FAT3: variants seen among roughly 807,000 people sequenced by gnomAD.
FAT3 encodes the protein protocadherin Fat 3.
FAT3 carries 95 observed loss-of-function variants against 310.2 expected under a neutral mutation model. The ratio of observed to expected loss-of-function variants is 0.31; its 90% CI spans 0.26 to 0.36. FAT3 has a LOEUF of 0.36. Among genes scored for constraint, FAT3 ranks in the 10% least tolerant of loss-of-function variants. The pLI, the probability that FAT3 is intolerant of heterozygous loss-of-function variation, is 1.00. For synonymous variants in FAT3, 2,314 were observed against 2,192.9 expected (o/e 1.06, Z -1.54); for missense variants, 5,408 against 5,715.6 (o/e 0.95, Z 1.74).
In FAT3 at chr11:92,324,556, A is replaced by AC. The variant is rs1591109626; in HGVS notation, c.-17-27536dup. ...TTCTTATATGGGTGTGGTTCGTGGGACCCCAAGACAATTACAATAGTAACA... is the reference window on the plus strand; with the variant it reads ...TTCTTATATGGGTGTGGTTCGTGGGACCCCCAAGACAATTACAATAGTAACA... On this transcript the variant is annotated intron_variant, in intron 1 of 27. Transcript: ENST00000525166. Among the ~76,000 whole-genome samples the AC allele has an allele frequency of 1.3e-5, 2 of 152,160 alleles. 1 individual carries two copies. The highest frequency in any genetic ancestry group is 3.8e-4 in the East Asian group (2 of 5,196).
chr11:92,631,248 T>A (rs191972170), intron 3 of FAT3, among the ~76,000 whole-genome samples: 79 of 152,294 alleles, frequency 5.2e-4, no homozygotes, highest in East Asian at 3.7e-3. Flanking sequence ...ATTGGTGAAT[T>A]ATAGGCATTG....
intron 3 of FAT3, among the ~76,000 whole-genome samples, chr11:92,687,283 G>A (rs568782742): frequency 3.3e-4 from 51 of 152,258 alleles, no homozygotes; most frequent in African/African-American, 1.1e-3. Context: ...ACAAGACTGC[G>A]ATCAGAGAAG....
chr11:92,467,187 A>T (rs1312833402), intron 2 of FAT3, among the ~76,000 whole-genome samples: 1 of 152,148 alleles, frequency 6.6e-6, no homozygotes, highest in Non-Finnish European at 1.5e-5. Context: ...ACTAGTTTAC[A>T]GTCCCACCAA....
intron 6 of FAT3, among the ~76,000 whole-genome samples, chr11:92,773,473 C>T (rs1946511485): frequency 6.6e-6 from 1 of 151,936 alleles, no homozygotes; most frequent in Non-Finnish European, 1.5e-5. Flanking sequence ...TATAAATATC[C>T]CAGCTTGCAG....
chr11:92,818,365 T>A (rs953143686), intron 13 of FAT3, among the ~76,000 whole-genome samples: 2 of 151,712 alleles, frequency 1.3e-5, no homozygotes, highest in African/African-American at 4.8e-5. Flanking sequence ...GGCATCAGTA[T>A]GTGAGTGTGT....
chr11:92,383,956 C>G (rs1048237676), intron 2 of FAT3, among the ~76,000 whole-genome samples: 24 of 152,044 alleles, frequency 1.6e-4, no homozygotes, highest in African/African-American at 5.3e-4. Flanking sequence ...TTTGAACCCA[C>G]AATTTTTTTT....
chr11:92,510,986 T>C (rs659432), intron 2 of FAT3, among the ~76,000 whole-genome samples: 84,866 of 152,142 alleles, frequency 0.56, 24,259 homozygotes, highest in East Asian at 0.7. Context: ...TGAGAGCCCA[T>C]CTAGAGCGCC....
chr11:92,624,907 T>G lies in FAT3; in HGVS notation c.3608-72477T>G, dbSNP rs149623544. Among the ~76,000 whole-genome samples the G allele has an allele frequency of 2.1e-3, 322 of 152,352 alleles. 2 individuals carry two copies. The highest frequency in any genetic ancestry group is 3.9e-3 in the Non-Finnish European group (262 of 68,028). On this transcript the variant is annotated intron_variant, in intron 3 of 27. Coordinates refer to ENST00000525166, the MANE Select transcript of FAT3 (RefSeq NM_001367949.2). ...CTCTTCTTGGCTTGAAGATTTCTAT[T>G]GTTATCGTATGTCTCTTCACATCAC...
rs1949915598 is a variant in FAT3, at chr11:92,891,364, A to G, written c.*251A>G. 2 of 532,044 alleles carry G rather than the reference A, an allele frequency of 3.8e-6. No individual in the cohort carries two copies. The highest frequency in any genetic ancestry group is 5.3e-4 in the Middle Eastern group (1 of 1,896). The allele number at this position is 532,044 out of a possible 1,614,324, so 33.0% of individuals were successfully genotyped here. ...GATGTAGGTACCTATGTTCACAGCT[A>G]AAAATGCAAAGAGGGAAAAATTATT... On this transcript the variant is annotated 3_prime_UTR_variant, in exon 28 of 28. Coordinates refer to ENST00000525166, the MANE Select transcript of FAT3 (RefSeq NM_001367949.2).
At chr11:92,641,413 A>T (rs1941958625) in intron 3 of FAT3, among the ~76,000 whole-genome samples, 1 of 152,152 alleles carries the variant, frequency 6.6e-6, no homozygotes, top group Admixed American at 6.5e-5. Flanking sequence ...TTATTCTCTC[A>T]CAGTCCTGGA....
At chr11:92,441,953 C>G (rs1343790764) in intron 2 of FAT3, among the ~76,000 whole-genome samples, 2 of 151,416 alleles carry the variant, frequency 1.3e-5, no homozygotes, top group Non-Finnish European at 2.9e-5. Context: ...CAGACACGTT[C>G]ACGACTCAGG....
intron 5 of FAT3, among the ~76,000 whole-genome samples, chr11:92,763,590 C>G (rs747893704): frequency 1.3e-4 from 20 of 152,258 alleles, no homozygotes; most frequent in Non-Finnish European, 2.6e-4. Flanking sequence ...TTCCCAGCCT[C>G]CAGTCTAGCA....
At chr11:92,686,615 A>T (rs1257133410) in intron 3 of FAT3, among the ~76,000 whole-genome samples, 2 of 152,160 alleles carry the variant, frequency 1.3e-5, no homozygotes, top group African/African-American at 4.8e-5. Context: ...ACTGGAAAAT[A>T]TGTGGGTTTT....
intron 3 of FAT3, among the ~76,000 whole-genome samples, chr11:92,532,437 G>A (rs760784995): frequency 4.8e-4 from 73 of 152,044 alleles, no homozygotes; most frequent in Non-Finnish European, 7.8e-4. Flanking sequence ...TTGTTAACCC[G>A]CCTTTTGTTA....
chr11:92,519,643 A>G (rs1223719029), intron 2 of FAT3, among the ~76,000 whole-genome samples: 1 of 152,136 alleles, frequency 6.6e-6, no homozygotes, highest in East Asian at 1.9e-4. Flanking sequence ...TCTTATCCAG[A>G]ATATATAAAG....
Position 92,891,914 on chromosome 11 carries a change from T to C in FAT3, c.*801T>C, listed in dbSNP as rs1226309998. 6.6e-6 allele frequency: 1 copy of C among 152,214 alleles called. No homozygotes were observed. Among genetic ancestry groups the C allele is most frequent in the Admixed American group, 6.5e-5 (1 of 15,288 alleles). The allele number at this position is 152,214 out of a possible 1,614,324, so 9.4% of individuals were successfully genotyped here. On this transcript the variant is annotated 3_prime_UTR_variant, in exon 28 of 28. Coordinates refer to ENST00000525166, the MANE Select transcript of FAT3 (RefSeq NM_001367949.2). ...GTTTTCTGGTAAATATTCCAGTTGG[T>C]AAATCTAACATTGCTACAGAAGTTG...
chr11:92,744,785 A>T (rs1005813192), intron 4 of FAT3, among the ~76,000 whole-genome samples: 7 of 152,236 alleles, frequency 4.6e-5, no homozygotes, highest in Admixed American at 4.6e-4. Flanking sequence ...TGGGCCAAAA[A>T]AAAGAAAGCA....
At chr11:92,484,327 A>C (rs1591353146) in intron 2 of FAT3, among the ~76,000 whole-genome samples, 1 of 152,110 alleles carries the variant, frequency 6.6e-6, no homozygotes, top group Admixed American at 6.5e-5. Flanking sequence ...CAAATTTTTC[A>C]GTTTAGGCAC....
intron 6 of FAT3, among the ~76,000 whole-genome samples, chr11:92,772,079 AC>A (rs1946473737): frequency 6.6e-6 from 1 of 152,208 alleles, no homozygotes; most frequent in Non-Finnish European, 1.5e-5. Flanking sequence ...GACTTGACTC[AC>A]ACATTTTCAC....
Sources: gnomAD v4.1 joint callset for allele counts (sites outside exome capture counted in the v4.1 genomes callset) on GRCh38, gnomAD v4.1.1 for gene constraint, MANE v1.5 for transcripts, NCBI Gene and HGNC (gene_info 2026-07-23, HGNC 2026-07-21) for gene names.